RBBP8: variants seen among roughly 807,000 people sequenced by gnomAD.
The protein encoded by RBBP8 is DNA endonuclease RBBP8.
Under a neutral mutation model 108.3 loss-of-function variants are expected in RBBP8, and 88 were observed. The observed-to-expected ratio is 0.81, with a 90% CI of 0.68 to 0.97. The LOEUF is 0.97. Among genes scored for constraint, RBBP8 ranks in the 50% least tolerant of loss-of-function variants. The pLI is 0.00. For synonymous variants in RBBP8, 332 were observed against 348.2 expected, an observed-to-expected ratio of 0.95 and a Z score of 0.52; for missense variants, 1,023 against 1,049.0, an observed-to-expected ratio of 0.98 and a Z score of 0.34.
rs1567982174 is a variant in RBBP8, at chr18:22,991,029, A to C, written c.900A>C (p.Arg300Ser). ...AACAGCCTTTTGAGGAATCTACAAG[A>C]AATACTGAAGATAGTTTAAGGTAAT... The part of the protein sequence containing the change: ...HKKQPFEEST[R>S]NTEDSLRFSD... The change falls in exon 10 of 19, where the codon AGA (arginine) becomes AGC (serine). Residue 300 changes from arginine to serine, a missense_variant. By Grantham distance (110) the Arg-to-Ser change is moderately radical. Transcript: ENST00000327155. 6.2e-7 allele frequency: 1 copy of C among 1,612,328 alleles called. No individual in the cohort carries two copies. Among genetic ancestry groups the C allele is most frequent in the African/African-American group, 1.3e-5 (1 of 75,020 alleles).
intron 16 of RBBP8, among the ~76,000 whole-genome samples, chr18:23,011,072 A>T (rs2046150858): frequency 6.6e-6 from 1 of 152,218 alleles, no homozygotes; most frequent in Non-Finnish European, 1.5e-5. Flanking sequence ...TCTAATTCAC[A>T]GATCACACCA....
chr18:22,996,375 T>G lies in RBBP8; in HGVS notation c.1941T>G (p.Asp647Glu). 6.2e-7 allele frequency: 1 copy of G among 1,613,542 alleles called. No individual in the cohort carries two copies. Among genetic ancestry groups the G allele is most frequent in the Non-Finnish European group, 8.5e-7 (1 of 1,179,820 alleles). The change falls in exon 13 of 19, where the codon GAT becomes GAG. Residue 647 changes from aspartate (D) to glutamate (E), a missense_variant and splice_region_variant. Coordinates refer to ENST00000327155, the MANE Select transcript of RBBP8 (RefSeq NM_002894.3). ...GKIKSLQNNQ[D>E]VSFENIQWSI... ...GCATGCTCTTTCCCTTTACCTAAGA[T>G]GTATCCTTTGAAAATATCCAGTGGA...
intron 3 of RBBP8, among the ~76,000 whole-genome samples, chr18:22,925,703 T>C (rs1332673379): frequency 6.6e-6 from 1 of 152,212 alleles, no homozygotes; most frequent in East Asian, 1.9e-4. Context: ...ATCAAAGAAT[T>C]CTTTAATTAA....
chr18:22,965,354 T>A (rs576456653), intron 4 of RBBP8, among the ~76,000 whole-genome samples: 1 of 152,282 alleles, frequency 6.6e-6, no homozygotes, highest in African/African-American at 2.4e-5. Flanking sequence ...GACTGTGAGC[T>A]TCTCTGTTAG....
upstream of RBBP8, among the ~76,000 whole-genome samples, chr18:22,929,898 G>C (rs1210831538): frequency 1.3e-5 from 2 of 152,080 alleles, no homozygotes; most frequent in African/African-American, 4.8e-5. Context: ...GCTGAACAAA[G>C]GCTATTTTAA....
intron 18 of RBBP8, among the ~76,000 whole-genome samples, chr18:23,023,936 C>T (rs1320988945): frequency 1.5e-5 from 2 of 131,612 alleles, no homozygotes; most frequent in Admixed American, 8.7e-5. Flanking sequence ...GCAAATGGCA[C>T]AATCTCGGCT....
chr18:22,958,469 G>C (rs537988236), intron 4 of RBBP8, among the ~76,000 whole-genome samples: 9 of 152,128 alleles, frequency 5.9e-5, no homozygotes, highest in Admixed American at 3.9e-4. Flanking sequence ...TTTTCATGTT[G>C]AGACAAGAAC....
At chr18:23,012,037 C>T (rs898630085) in intron 16 of RBBP8, among the ~76,000 whole-genome samples, 13 of 151,652 alleles carry the variant, frequency 8.6e-5, no homozygotes, top group Non-Finnish European at 1.8e-4. Context: ...TCCATCTCTA[C>T]AAAAAATACA....
intron 5 of RBBP8, among the ~76,000 whole-genome samples, chr18:22,973,089 C>G (rs113053880): frequency 7.6e-4 from 115 of 152,284 alleles, no homozygotes; most frequent in Middle Eastern, 6.8e-3. Context: ...TTTTAGAGAT[C>G]TATCCTCATG....
chr18:22,954,586 C>T (rs6507400), intron 4 of RBBP8, among the ~76,000 whole-genome samples: 2,926 of 152,274 alleles, frequency 0.019, 92 homozygotes, highest in African/African-American at 0.064. Context: ...TGAGTGTTTG[C>T]GGCTTTTCCA....
intron 3 of RBBP8, among the ~76,000 whole-genome samples, chr18:22,948,343 A>G (rs1020920785): frequency 3.9e-5 from 6 of 152,066 alleles, no homozygotes; most frequent in South Asian, 2.1e-4. Context: ...TGAATTAAAT[A>G]TATTTTCTAG....
intron 2 of RBBP8, among the ~76,000 whole-genome samples, chr18:22,945,736 G>A (rs551772095): frequency 1.3e-5 from 2 of 152,232 alleles, no homozygotes; most frequent in East Asian, 3.9e-4. Context: ...TTACAATTTT[G>A]CTAGTTGTTT....
In RBBP8 at chr18:23,023,869, CTTTT is replaced by C. The variant is rs10655759; in HGVS notation, c.2596+1617_2596+1620del. ...TAATAGCTAGTTTTTATGAAGGGGCCTTTTTTTTTTTTTTTTTTTTTGAGATGGA... is the reference window on the plus strand; with the variant it reads ...TAATAGCTAGTTTTTATGAAGGGGCCTTTTTTTTTTTTTTTTTGAGATGGA... On this transcript the variant is annotated intron_variant, in intron 18 of 18. Transcript: ENST00000327155. 5.7e-3 allele frequency among the ~76,000 whole-genome samples: 489 copies of C among 86,106 alleles called. 3 individuals carry two copies. Among genetic ancestry groups the C allele is most frequent in the African/African-American group, 0.022 (472 of 21,518 alleles). The allele number at this position is 86,106 out of a possible 152,430, so 56.5% of individuals were successfully genotyped here.
In RBBP8 at chr18:23,007,267, C is replaced by T. The variant is rs547039601; in HGVS notation, c.2357+835C>T. On this transcript the variant is annotated intron_variant, in intron 16 of 18. Transcript: ENST00000327155. ...AACTCCTGACCTCAGGTGATCCACC[C>T]GCCTCAGCCTCCCAAACTGCTGGGA... Among the ~76,000 whole-genome samples, 561 of 150,824 alleles carry T rather than the reference C, an allele frequency of 3.7e-3. 3 individuals are homozygous for T. The highest frequency in any genetic ancestry group is 0.013 in the African/African-American group (546 of 41,134).
upstream of RBBP8, among the ~76,000 whole-genome samples, chr18:22,929,012 A>G (rs1909897473): frequency 6.6e-6 from 1 of 152,146 alleles, no homozygotes. Flanking sequence ...GAATGCCAGG[A>G]TCAGAAATAA....
Position 22,940,470 on chromosome 18 carries a change from G to A in RBBP8, c.109+3510G>A, listed in dbSNP as rs1471388701. Among the ~76,000 whole-genome samples, 5 of 151,126 alleles carry A rather than the reference G, an allele frequency of 3.3e-5. 1 individual carries two copies. Among genetic ancestry groups the A allele is most frequent in the African/African-American group, 1.2e-4 (5 of 40,916 alleles). ...TGACTAGCTGGGACTACAAGCACCC[G>A]CCACCACGCCCGGCTAATTTTTTGT... On this transcript the variant is annotated intron_variant, in intron 2 of 18. Transcript: ENST00000327155.
chr18:23,022,075 T>G, intron 17 of RBBP8, 54 bp from the exon 18 acceptor site: 1 of 1,404,570 alleles, frequency 7.1e-7, no homozygotes, highest in Non-Finnish European at 1.0e-6. Flanking sequence ...TCAATAAGCA[T>G]AACACTCCAT....
chr18:22,998,708 T>C (rs1567989944), intron 14 of RBBP8, among the ~76,000 whole-genome samples: 1 of 152,232 alleles, frequency 6.6e-6, no homozygotes. Flanking sequence ...GAGCAAAAAA[T>C]AAAATAGTCT....
At chr18:23,023,700 G>T (rs981445388) in intron 18 of RBBP8, among the ~76,000 whole-genome samples, 1 of 151,988 alleles carries the variant, frequency 6.6e-6, no homozygotes. Flanking sequence ...AGTCACTAAG[G>T]TCTAAACTTT....
Sources: allele counts gnomAD v4.1 joint callset (sites outside exome capture counted in the v4.1 genomes callset), GRCh38; gene constraint gnomAD v4.1.1; transcripts MANE v1.5; gene names NCBI Gene and HGNC (gene_info 2026-07-23, HGNC 2026-07-21).